The following FAM199X variants were observed in gnomAD, a reference collection of about 807,000 sequenced individuals.
The protein encoded by FAM199X is protein FAM199X.
FAM199X carries 4 observed loss-of-function variants against 22.9 expected under a neutral mutation model. The observed-to-expected ratio is 0.17, with a 90% CI of 0.09 to 0.40. The LOEUF is 0.40. Among genes scored for constraint, FAM199X ranks in the 10% least tolerant of loss-of-function variants. The probability of loss-of-function intolerance (pLI) is 1.00; values close to 1 mark genes in which losing one functional copy is unlikely to be tolerated. For synonymous variants in FAM199X, 101 were observed against 112.3 expected, an observed-to-expected ratio of 0.90 and a Z score of 0.64; for missense variants, 183 against 306.8, an observed-to-expected ratio of 0.60 and a Z score of 3.01.
chrX:104,165,952 G>A (rs1173866539), upstream of FAM199X, among the ~76,000 whole-genome samples: 6 of 111,568 alleles, frequency 5.4e-5, no homozygotes, highest in Admixed American at 1.9e-4. Flanking sequence ...AAGCACAAAA[G>A]AGTACGACGT....
Position 104,166,900 on chromosome X carries a change from G to A in FAM199X, c.115G>A (p.Gly39Ser). 2 of 1,202,985 alleles carry A rather than the reference G, an allele frequency of 1.7e-6. No individual in the cohort carries two copies. The highest frequency in any genetic ancestry group is 1.1e-6 in the Non-Finnish European group (1 of 890,893). ...GGGCACCTGCCCGAGCGAGGAGCCG[G>A]GCTGCCTGGACATCAGCGACTTCGG... ...GVGTCPSEEP[G>S]CLDISDFGCQ... Residue 39 changes from glycine to serine, a missense_variant, in exon 1 of 6, where the codon GGC (glycine) becomes AGC (serine). This residue lies in a region of FAM199X where 55 missense variants were observed against 60.6 expected (regional missense o/e 0.91). Coordinates refer to ENST00000493442, the MANE Select transcript of FAM199X (RefSeq NM_207318.4).
At chrX:104,185,087 T>TTTTTC (rs1921765792) in intron 2 of FAM199X, among the ~76,000 whole-genome samples, 1 of 103,149 alleles carries the variant, frequency 9.7e-6, no homozygotes, top group Non-Finnish European at 2.0e-5. Context: ...TTTTTTTTTT[T>TTTTTC]AGAGAGACGG....
At chrX:104,178,208 C>G (rs781839461) in intron 2 of FAM199X, among the ~76,000 whole-genome samples, 42 of 110,410 alleles carry the variant, frequency 3.8e-4, no homozygotes, top group Non-Finnish European at 6.1e-4. Context: ...GCTCAGTTGC[C>G]CAGGCTGGAG....
upstream of FAM199X, among the ~76,000 whole-genome samples, chrX:104,163,077 A>G (rs1556372948): frequency 9.6e-6 from 1 of 104,584 alleles, no homozygotes; most frequent in African/African-American, 3.7e-5. Flanking sequence ...TTTGTTGGTG[A>G]TATTTGACTC....
chrX:104,166,710 G>A lies in FAM199X; in HGVS notation c.-76G>A. 3 of 1,000,847 alleles carry A rather than the reference G, an allele frequency of 3.0e-6. No homozygotes were observed. Among genetic ancestry groups the A allele is most frequent in the East Asian group, 3.5e-5 (1 of 28,499 alleles). The allele number at this position is 1,000,847 out of a possible 1,213,427, so 82.5% of individuals were successfully genotyped here. ...CCGGAGCGTCGGCGACTGCGGACAG[G>A]TTAGAGTGGGGGCAGGGGCGGGCGC... On this transcript the variant is annotated 5_prime_UTR_variant, in exon 1 of 6. Transcript: ENST00000493442.
At chrX:104,176,020 G>A (rs890425142) in intron 2 of FAM199X, among the ~76,000 whole-genome samples, 178 bp downstream of exon 2, 3 of 111,806 alleles carry the variant, frequency 2.7e-5, no homozygotes, top group Non-Finnish European at 5.6e-5. Flanking sequence ...TTTTGCTAAT[G>A]TACCTTTTTG....
intron 2 of FAM199X, among the ~76,000 whole-genome samples, 170 bp from the exon 3 acceptor site, chrX:104,185,896 C>T (rs966480922): frequency 8.9e-6 from 1 of 112,304 alleles, no homozygotes; most frequent in Non-Finnish European, 1.9e-5. Context: ...TGAGCCACCA[C>T]GCCGGGCTGC....
chrX:104,192,415 T>C lies in FAM199X; in HGVS notation c.*2637T>C, dbSNP rs1318481018. The C allele has an allele frequency of 5.4e-5, 6 of 111,575 alleles. No homozygotes were observed. The highest frequency in any genetic ancestry group is 1.9e-4 in the African/African-American group (6 of 30,843). The allele number at this position is 111,575 out of a possible 1,213,427, so 9.2% of individuals were successfully genotyped here. ...GGTTCTCATCTGTAGAGAACTGACATTGGAGCAAATTTTAAGTCTCCCCTT... is the reference window on the plus strand; with the variant it reads ...GGTTCTCATCTGTAGAGAACTGACACTGGAGCAAATTTTAAGTCTCCCCTT... On this transcript the variant is annotated 3_prime_UTR_variant, in exon 6 of 6. Transcript: ENST00000493442.
At position 104,195,862 on chromosome X, in the gene FAM199X, T is replaced by A. The variant is rs1156406727; in HGVS notation, c.*6084T>A. 1 of 109,897 alleles carries A rather than the reference T, an allele frequency of 9.1e-6. No individual in the cohort carries two copies. Among genetic ancestry groups the A allele is most frequent in the Non-Finnish European group, 1.9e-5 (1 of 52,554 alleles). 9.1% of individuals were successfully genotyped at this position (109,897 alleles called of 1,213,427 possible). A position where few individuals can be genotyped will look rare whatever the true frequency, so the allele number is the denominator to read the frequency against. ...ATGCCAATCTTATGCTTTTCTGTAA[T>A]CTTCAATTTTTAATAAATGTGAGTT... On this transcript the variant is annotated 3_prime_UTR_variant, in exon 6 of 6. Transcript: ENST00000493442.
intron 1 of FAM199X, among the ~76,000 whole-genome samples, chrX:104,174,955 A>C (rs374810242): frequency 1.8e-5 from 2 of 111,717 alleles, no homozygotes; most frequent in East Asian, 5.6e-4. Context: ...TTGAACATCT[A>C]CCTGTGTAGA....
Position 104,192,264 on chromosome X carries a change from T to G in FAM199X, c.*2486T>G, listed in dbSNP as rs1290571316. The G allele has an allele frequency of 3.6e-5, 4 of 111,809 alleles. No individual in the cohort carries two copies. The highest frequency in any genetic ancestry group is 4.7e-3 in the Middle Eastern group (1 of 215). 9.2% of individuals were successfully genotyped at this position (111,809 alleles called of 1,213,427 possible). On this transcript the variant is annotated 3_prime_UTR_variant, in exon 6 of 6. Transcript: ENST00000493442. ...TTTCTTTCTTGGAATAAGTAATAATTTATTCAATATGGTGTATCTCTGAGT... is the reference window on the plus strand; with the variant it reads ...TTTCTTTCTTGGAATAAGTAATAATGTATTCAATATGGTGTATCTCTGAGT...
chrX:104,164,840 A>C (rs1413371622), upstream of FAM199X, among the ~76,000 whole-genome samples: 3 of 111,686 alleles, frequency 2.7e-5, no homozygotes, highest in African/African-American at 9.8e-5. Context: ...AGATCGCCCC[A>C]ATACACTCTA....
rs1921958947 is a variant in FAM199X at position 104,192,255 on chromosome X, AG to A, written c.*2478del. 8.9e-6 allele frequency: 1 copy of A among 111,876 alleles called. No homozygotes were observed. The allele number at this position is 111,876 out of a possible 1,213,427, so 9.2% of individuals were successfully genotyped here. A position where few individuals can be genotyped will look rare whatever the true frequency, so the allele number is the denominator to read the frequency against. On this transcript the variant is annotated 3_prime_UTR_variant, in exon 6 of 6. Coordinates refer to ENST00000493442, the MANE Select transcript of FAM199X (RefSeq NM_207318.4). ...TTTGAACTATTTCTTTCTTGGAATA[AG>A]TAATAATTTATTCAATATGGTGTAT...
At chrX:104,170,301 G>A (rs1390043991) in intron 1 of FAM199X, among the ~76,000 whole-genome samples, 1 of 112,038 alleles carries the variant, frequency 8.9e-6, no homozygotes, top group African/African-American at 3.2e-5. Flanking sequence ...AGAATTAGAG[G>A]TGCAGAAGAG....
At chrX:104,180,288 C>CTTTTTT (rs573175887) in intron 2 of FAM199X, among the ~76,000 whole-genome samples, 1 of 71,258 alleles carries the variant, frequency 1.4e-5, no homozygotes, top group Admixed American at 1.6e-4. Context: ...GCCAGTGTCT[C>CTTTTTT]TTTTTTTTTT....
chrX:104,174,853 A>G (rs1430966326), intron 1 of FAM199X, among the ~76,000 whole-genome samples: 1 of 112,133 alleles, frequency 8.9e-6, no homozygotes, highest in Non-Finnish European at 1.9e-5. Context: ...ATTATTGATC[A>G]TTTTATTATT....
At position 104,189,647 on chromosome X, in the gene FAM199X, C is replaced by G; in HGVS notation, c.1036C>G (p.Arg346Gly). The change falls in exon 6 of 6, where the codon CGC (arginine) becomes GGC (glycine). Residue 346 changes from arginine (R) to glycine (G), a missense_variant. Arg to Gly is a moderately radical substitution (Grantham distance 125, BLOSUM62 -2). Coordinates refer to ENST00000493442, the MANE Select transcript of FAM199X (RefSeq NM_207318.4). ...GCGGAAGTTACAGCAGAAGGCCTTCCGCAAGAGGCAGCTGAAGGAGCAGAG... is the reference window on the plus strand; with the variant it reads ...GCGGAAGTTACAGCAGAAGGCCTTCGGCAAGAGGCAGCTGAAGGAGCAGAG... ...KQRKLQQKAF[R>G]KRQLKEQRQA... 8.3e-7 allele frequency: 1 copy of G among 1,211,546 alleles called. No individual in the cohort carries two copies. The highest frequency in any genetic ancestry group is 1.1e-6 in the Non-Finnish European group (1 of 895,338).
At chrX:104,168,533 G>T (rs981597235) in intron 1 of FAM199X, among the ~76,000 whole-genome samples, 5 of 112,041 alleles carry the variant, frequency 4.5e-5, no homozygotes, top group Non-Finnish European at 7.5e-5. Context: ...GTACATATTT[G>T]GCATTTAAGT....
chrX:104,189,754 A>G lies in FAM199X; in HGVS notation c.1143A>G (p.Glu381=). 8.3e-7 allele frequency: 1 copy of G among 1,210,893 alleles called. No individual in the cohort carries two copies. The highest frequency in any genetic ancestry group is 1.1e-6 in the Non-Finnish European group (1 of 895,275). ...LSLKVTEEDH[E]ADVDVLM The stretch of plus-strand genomic sequence containing the variant: ...TGAAAGTGACTGAGGAAGACCATGA[A>G]GCAGATGTTGATGTTTTGATGTAAT... Residue 381 remains glutamate, a synonymous_variant, in exon 6 of 6, where the codon GAA becomes GAG. Transcript: ENST00000493442.
Sources: gnomAD v4.1 joint callset for allele counts (sites outside exome capture counted in the v4.1 genomes callset) on GRCh38, gnomAD v4.1.1 for gene constraint, gnomAD v4.1.1 regional missense constraint, MANE v1.5 for transcripts, NCBI Gene and HGNC (gene_info 2026-07-23, HGNC 2026-07-21) for gene names.